PTPRQ: variants seen among roughly 807,000 people sequenced by gnomAD.
The protein encoded by PTPRQ is phosphatidylinositol phosphatase PTPRQ.
Under a neutral mutation model 246.0 loss-of-function variants are expected in PTPRQ, and 199 were observed. That is an observed-to-expected ratio of 0.81 (90% CI 0.72 to 0.91). The LOEUF (loss-of-function observed/expected upper bound fraction) is 0.91, where lower values mean the gene tolerates loss of function less well. PTPRQ is among the 40% of genes least tolerant of loss of function. PTPRQ has a pLI of 0.00. For synonymous variants in PTPRQ, 869 were observed against 853.2 expected, an observed-to-expected ratio of 1.02 and a Z score of -0.32; for missense variants, 2,624 against 2,528.4, an observed-to-expected ratio of 1.04 and a Z score of -0.81.
rs1314641004 is a variant in PTPRQ at position 80,621,997 on chromosome 12, G to T, written c.5613-64G>T. The T allele has an allele frequency of 8.3e-6, 9 of 1,083,528 alleles. No individual in the cohort carries two copies. The South Asian group carries it at 1.4e-4, about 16-fold the overall frequency. 67.1% of individuals were successfully genotyped at this position (1,083,528 alleles called of 1,614,324 possible). A position where few individuals can be genotyped will look rare whatever the true frequency, so the allele number is the denominator to read the frequency against. The stretch of plus-strand genomic sequence containing the variant: ...TAAATAGTTTTTATAATTACTTCTT[G>T]AGTTATTCATAGGAAAAATCACATG... On this transcript the variant is annotated intron_variant, in intron 32 of 44. Coordinates refer to ENST00000644991, the MANE Select transcript of PTPRQ (RefSeq NM_001145026.2).
chr12:80,497,025 A>C (rs1267914185), intron 14 of PTPRQ, among the ~76,000 whole-genome samples: 1 of 151,928 alleles, frequency 6.6e-6, no homozygotes, highest in East Asian at 1.9e-4. Flanking sequence ...GTTATAGAGC[A>C]GGGGTCCCCA....
At chr12:80,457,499 A>C (rs1280799842) in intron 3 of PTPRQ, 76 bp from the exon 4 acceptor site, 1 of 399,632 alleles carries the variant, frequency 2.5e-6, no homozygotes, top group East Asian at 3.6e-5. Flanking sequence ...GATAAGTCAA[A>C]GTTTTGTTTT....
chr12:80,620,329 T>C lies in PTPRQ; in HGVS notation c.5565T>C (p.Asn1855=). The C allele has an allele frequency of 6.5e-7, 1 of 1,549,402 alleles. No homozygotes were observed. The highest frequency in any genetic ancestry group is 8.7e-7 in the Non-Finnish European group (1 of 1,145,504). The change falls in exon 32 of 45, where the codon AAT becomes AAC. Residue 1855 remains asparagine (N), a synonymous_variant. Transcript: ENST00000644991. ...ATAATGCATGCATGATTCCTGGCAA[T>C]GAAGACAAAATTTGCAATGGACCAC... ...GADNACMIPG[N]EDKICNGPLK...
intron 9 of PTPRQ, among the ~76,000 whole-genome samples, chr12:80,486,190 A>G (rs1465311784): frequency 6.6e-6 from 1 of 152,184 alleles, no homozygotes; most frequent in Admixed American, 6.5e-5. Flanking sequence ...TAAAGAGCTT[A>G]GAACTGTACC....
intron 38 of PTPRQ, among the ~76,000 whole-genome samples, chr12:80,657,200 G>A (rs1900472429): frequency 6.6e-6 from 1 of 151,736 alleles, no homozygotes; most frequent in Non-Finnish European, 1.5e-5. Flanking sequence ...AATGTGAAAG[G>A]CAGTTAATAG....
At chr12:80,554,963 G>A (rs892946069) in intron 25 of PTPRQ, among the ~76,000 whole-genome samples, 1 of 152,082 alleles carries the variant, frequency 6.6e-6, no homozygotes, top group Non-Finnish European at 1.5e-5. Flanking sequence ...GCCCAGGCTG[G>A]AGTGAAGTGG....
chr12:80,620,159 C>T lies in PTPRQ; in HGVS notation c.5395C>T (p.His1799Tyr), dbSNP rs1422257114. 2 of 1,543,648 alleles carry T rather than the reference C, an allele frequency of 1.3e-6. No homozygotes were observed. The highest frequency in any genetic ancestry group is 1.4e-5 in the African/African-American group (1 of 72,638). Reference sequence around the variant, plus strand: ...CTCTTTGTTTCTGAAAACAGCTCAGCATGATGGAAATGTAACAAAGTGGTA... The same window carrying T: ...CTCTTTGTTTCTGAAAACAGCTCAGTATGATGGAAATGTAACAAAGTGGTA... The part of the protein sequence containing the change: ...QVLVTETGAQ[H>Y]DGNVTKWYDA... Residue 1799 changes from histidine (H) to tyrosine (Y), a missense_variant, in exon 32 of 45, where the codon CAT becomes TAT. His to Tyr is a moderately conservative substitution (Grantham distance 83). Coordinates refer to ENST00000644991, the MANE Select transcript of PTPRQ (RefSeq NM_001145026.2).
chr12:80,484,596 A>C lies in PTPRQ; in HGVS notation c.1350A>C (p.Gly450=). The part of the protein sequence containing the change: ...GIILENTLLT[G]NNEYINDPMA... ...TTTTGGAAAATACTTTGCTCACTGGAAATAATGAGGTATTGCATTTTTATT... is the reference window on the plus strand; with the variant it reads ...TTTTGGAAAATACTTTGCTCACTGGCAATAATGAGGTATTGCATTTTTATT... Residue 450 remains glycine (G), a synonymous_variant, in exon 9 of 45, where the codon GGA becomes GGC. Transcript: ENST00000644991. 1 of 1,550,294 alleles carries C rather than the reference A, an allele frequency of 6.5e-7. No homozygotes were observed. The highest frequency in any genetic ancestry group is 2.4e-5 in the East Asian group (1 of 40,834).
chr12:80,545,988 A>G (rs10862166), intron 23 of PTPRQ, among the ~76,000 whole-genome samples: 87,445 of 151,846 alleles, frequency 0.58, 30,144 homozygotes, highest in Non-Finnish European at 0.76. Flanking sequence ...AATTCCAAGT[A>G]AAAATCATGA....
At chr12:80,546,854 A>C in intron 24 of PTPRQ, 157 bp downstream of exon 24, 1 of 845,870 alleles carries the variant, frequency 1.2e-6, no homozygotes, top group Non-Finnish European at 1.8e-6. Context: ...CTTGTGTGAA[A>C]TCATATGCTG....
At chr12:80,454,520 G>A in intron 3 of PTPRQ, 1 of 702,482 alleles carries the variant, frequency 1.4e-6, no homozygotes, top group Non-Finnish European at 2.6e-6. Flanking sequence ...TAGGATTGGT[G>A]AGAGTAGACA....
chr12:80,636,955 A>G (rs1899676860), intron 35 of PTPRQ, among the ~76,000 whole-genome samples: 1 of 152,106 alleles, frequency 6.6e-6, no homozygotes, highest in East Asian at 1.9e-4. Flanking sequence ...CACTAAATAC[A>G]TCATCATAAA....
At chr12:80,595,511 T>C (rs1820187395) in intron 26 of PTPRQ, among the ~76,000 whole-genome samples, 1 of 152,110 alleles carries the variant, frequency 6.6e-6, no homozygotes, top group South Asian at 2.1e-4. Flanking sequence ...TCTTGGCCAG[T>C]AGCTTTTCAT....
intron 8 of PTPRQ, among the ~76,000 whole-genome samples, chr12:80,473,049 A>ATG (rs1893698098): frequency 1.4e-5 from 1 of 73,168 alleles, no homozygotes; most frequent in African/African-American, 3.4e-5. Flanking sequence ...ACACACACGC[A>ATG]CACACACACA....
chr12:80,549,397 G>A (rs557354245), intron 24 of PTPRQ, 68 bp from the exon 25 acceptor site: 41 of 1,444,894 alleles, frequency 2.8e-5, no homozygotes, highest in East Asian at 2.3e-4. Context: ...TAGTGATCAC[G>A]TAATTCAATC....
chr12:80,619,701 T>A (rs964951785), intron 31 of PTPRQ, among the ~76,000 whole-genome samples, 159 bp downstream of exon 31: 1 of 151,458 alleles, frequency 6.6e-6, no homozygotes, highest in Admixed American at 6.6e-5. Context: ...ATCATTTCTT[T>A]GTAAATAAAT....
intron 35 of PTPRQ, among the ~76,000 whole-genome samples, chr12:80,638,835 G>A (rs1205569140): frequency 6.6e-6 from 1 of 152,118 alleles, no homozygotes; most frequent in Non-Finnish European, 1.5e-5. Context: ...ATTATATTAT[G>A]TACAAAGATT....
chr12:80,448,329 A>T (rs80208221), intron 3 of PTPRQ, among the ~76,000 whole-genome samples: 6,530 of 152,166 alleles, frequency 0.043, 477 homozygotes, highest in African/African-American at 0.15. Flanking sequence ...CAATTGTGTC[A>T]TCAGTGAACA....
chr12:80,504,501 G>C (rs1894895812), intron 14 of PTPRQ, among the ~76,000 whole-genome samples: 1 of 151,666 alleles, frequency 6.6e-6, no homozygotes, highest in African/African-American at 2.4e-5. Flanking sequence ...TACTGTGTAT[G>C]TGTGTGTGTG....
Sources: gnomAD v4.1 joint callset for allele counts (sites outside exome capture counted in the v4.1 genomes callset) on GRCh38, gnomAD v4.1.1 for gene constraint, MANE v1.5 for transcripts, NCBI Gene and HGNC (gene_info 2026-07-23, HGNC 2026-07-21) for gene names.